The following STK32A variants were observed in gnomAD, a reference collection of about 807,000 sequenced individuals.
STK32A encodes serine/threonine-protein kinase 32A.
STK32A carries 41 observed loss-of-function variants against 53.2 expected under a neutral mutation model. The ratio of observed to expected loss-of-function variants is 0.77; its 90% CI spans 0.60 to 1.00. The LOEUF is 1.00. Ranked by LOEUF, STK32A falls within the 50% of genes least tolerant of loss-of-function variation. STK32A has a pLI of 0.00. For synonymous variants in STK32A, 166 were observed against 162.8 expected (o/e 1.02, Z -0.15); for missense variants, 458 against 485.8 (o/e 0.94, Z 0.54).
In STK32A at chr5:147,387,049, A is replaced by C. The variant is rs1232210329; in HGVS notation, c.*3066A>C. 1.3e-5 allele frequency: 2 copies of C among 152,192 alleles called. No homozygotes were observed. The highest frequency in any genetic ancestry group is 4.8e-5 in the African/African-American group (2 of 41,444). 9.4% of individuals were successfully genotyped at this position (152,192 alleles called of 1,614,324 possible). A position where few individuals can be genotyped will look rare whatever the true frequency, so the allele number is the denominator to read the frequency against. On this transcript the variant is annotated 3_prime_UTR_variant, in exon 13 of 13. Transcript: ENST00000397936. The stretch of plus-strand genomic sequence containing the variant: ...TAAATCCTTTGGCCTGGTATTCTTG[A>C]ATGTTTTTCTCCCAGTGCTTCCCTT...
intron 2 of STK32A, among the ~76,000 whole-genome samples, chr5:147,249,868 T>C (rs1263589695): frequency 4.1e-5 from 5 of 122,964 alleles, no homozygotes. Flanking sequence ...AGCCGAGATC[T>C]ACTGCACTCC....
At chr5:147,322,824 C>T (rs1345118400) in intron 4 of STK32A, among the ~76,000 whole-genome samples, 3 of 151,938 alleles carry the variant, frequency 2.0e-5, no homozygotes, top group Admixed American at 1.3e-4. Flanking sequence ...CTTCTAATTC[C>T]TCATCCCTAC....
At chr5:147,251,018 G>A (rs1013390087) in intron 2 of STK32A, among the ~76,000 whole-genome samples, 21 of 151,828 alleles carry the variant, frequency 1.4e-4, no homozygotes, top group Admixed American at 7.9e-4. Context: ...AAAAGGAAGC[G>A]GAGAAATAAA....
At chr5:147,366,979 A>AT (rs1426709730) in intron 8 of STK32A, among the ~76,000 whole-genome samples, 1 of 150,982 alleles carries the variant, frequency 6.6e-6, no homozygotes, top group Non-Finnish European at 1.5e-5. Context: ...ATCAATTTTT[A>AT]TTTTTTATCT....
chr5:147,290,244 G>T (rs73797603), intron 4 of STK32A, among the ~76,000 whole-genome samples: 50,600 of 151,856 alleles, frequency 0.33, 8,803 homozygotes, highest in South Asian at 0.6. Flanking sequence ...GTATGTATGT[G>T]TTGGGGTTTC....
chr5:147,278,564 C>T (rs1432650), intron 3 of STK32A, among the ~76,000 whole-genome samples: 82,669 of 151,974 alleles, frequency 0.54, 22,993 homozygotes, highest in African/African-American at 0.65. Flanking sequence ...AAAGAAGTCA[C>T]CCGATTTCTA....
intron 2 of STK32A, among the ~76,000 whole-genome samples, chr5:147,256,794 G>A (rs1027910594): frequency 6.6e-6 from 1 of 152,144 alleles, no homozygotes; most frequent in Non-Finnish European, 1.5e-5. Flanking sequence ...TTACAGGCGT[G>A]AGCCACCGAG....
At chr5:147,351,409 TA>T (rs1044692392) in intron 7 of STK32A, among the ~76,000 whole-genome samples, 16 of 152,160 alleles carry the variant, frequency 1.1e-4, no homozygotes, top group African/African-American at 3.9e-4. Context: ...CTAACAAAAA[TA>T]TTAACTAATT....
intron 11 of STK32A, among the ~76,000 whole-genome samples, chr5:147,379,161 A>T (rs1451001363): frequency 1.3e-5 from 2 of 151,254 alleles, no homozygotes; most frequent in African/African-American, 2.4e-5. Flanking sequence ...CTATATTCCT[A>T]GGTGTTTTAT....
At chr5:147,242,440 C>T (rs748502391) in intron 2 of STK32A, among the ~76,000 whole-genome samples, 9 of 152,206 alleles carry the variant, frequency 5.9e-5, no homozygotes, top group Admixed American at 2.0e-4. Flanking sequence ...CAGATAATTT[C>T]ACAGTGCCTT....
intron 2 of STK32A, among the ~76,000 whole-genome samples, chr5:147,261,781 T>C (rs1433308934): frequency 6.6e-6 from 1 of 152,184 alleles, no homozygotes; most frequent in Non-Finnish European, 1.5e-5. Context: ...CAAGTAGGAT[T>C]ATGAGGAACC....
At chr5:147,377,261 AT>A (rs1291804242) in intron 11 of STK32A, among the ~76,000 whole-genome samples, 2 of 151,630 alleles carry the variant, frequency 1.3e-5, no homozygotes, top group African/African-American at 4.8e-5. Context: ...TCCTTCTGTT[AT>A]TGATTCCTAC....
intron 1 of STK32A, among the ~76,000 whole-genome samples, chr5:147,236,808 C>T (rs1210158544): frequency 6.6e-6 from 1 of 152,162 alleles, no homozygotes; most frequent in African/African-American, 2.4e-5. Context: ...TCCTCTTTCT[C>T]TTTCTGATTC....
chr5:147,259,779 T>C (rs1245798025), intron 2 of STK32A, among the ~76,000 whole-genome samples: 1 of 151,700 alleles, frequency 6.6e-6, no homozygotes, highest in Non-Finnish European at 1.5e-5. Flanking sequence ...GCCTCTCTCC[T>C]CTCTGTCTCT....
intron 2 of STK32A, among the ~76,000 whole-genome samples, chr5:147,260,163 GTC>G (rs147607597): frequency 0.016 from 693 of 42,002 alleles, 13 homozygotes; most frequent in African/African-American, 0.028. Context: ...TCTCCTCTCT[GTC>G]TCTCTCTCTC....
At chr5:147,304,186 C>A (rs1753286853) in intron 4 of STK32A, among the ~76,000 whole-genome samples, 1 of 152,198 alleles carries the variant, frequency 6.6e-6, no homozygotes, top group African/African-American at 2.4e-5. Flanking sequence ...ATTTTCTAAC[C>A]TTGTGTCACC....
chr5:147,349,584 A>T (rs532290215), intron 6 of STK32A, among the ~76,000 whole-genome samples: 18 of 152,248 alleles, frequency 1.2e-4, no homozygotes, highest in African/African-American at 4.3e-4. Context: ...CACCTCATAG[A>T]GTGTGTTCCC....
At chr5:147,311,849 C>G (rs986642293) in intron 4 of STK32A, among the ~76,000 whole-genome samples, 2 of 151,770 alleles carry the variant, frequency 1.3e-5, no homozygotes, top group Non-Finnish European at 2.9e-5. Flanking sequence ...TTCCAAAGTG[C>G]TACCTTCTAG....
intron 5 of STK32A, 66 bp from the exon 6 acceptor site, chr5:147,342,940 G>T: frequency 6.7e-7 from 1 of 1,503,306 alleles, no homozygotes; most frequent in Non-Finnish European, 9.2e-7. Flanking sequence ...AAGCCTTTTT[G>T]CCCCTACCCC....
Sources: gnomAD v4.1 joint callset for allele counts (sites outside exome capture counted in the v4.1 genomes callset) on GRCh38, gnomAD v4.1.1 for gene constraint, MANE v1.5 for transcripts, NCBI Gene and HGNC (gene_info 2026-07-23, HGNC 2026-07-21) for gene names.